The following GPLD1 variants were observed in gnomAD, a reference collection of about 807,000 sequenced individuals.
GPLD1 encodes the protein glycosylphosphatidylinositol specific phospholipase D1.
GPLD1 carries 84 observed loss-of-function variants against 112.6 expected under a neutral mutation model. The ratio of observed to expected loss-of-function variants is 0.75; its 90% CI spans 0.63 to 0.89. The LOEUF (loss-of-function observed/expected upper bound fraction) is 0.89. Among genes scored for constraint, GPLD1 ranks in the 40% least tolerant of loss-of-function variants. The pLI, the probability that GPLD1 is intolerant of heterozygous loss-of-function variation, is 0.00. For synonymous variants in GPLD1, 386 were observed against 403.8 expected (o/e 0.96, Z 0.53); for missense variants, 1,044 against 1,051.5 (o/e 0.99, Z 0.10).
chr6:24,435,816 C>T (rs1221951227), intron 22 of GPLD1: 1 of 32,404 alleles, frequency 3.1e-5, no homozygotes, highest in African/African-American at 1.4e-4. Context: ...TAGAGCCAGA[C>T]GCTGTCTCAA....
rs764603300 is a variant in GPLD1, at chr6:24,475,219, G to C, written c.343C>G (p.Leu115Val). ...GTAATTCCAAACAAGAAAGCTACCA[G>C]TTTCTCTGTGTCCTGCCAAACAAGC... ...PLPWEKDTEKLVAFLFGITSH... is the reference protein window; with the variant it reads ...PLPWEKDTEKVVAFLFGITSH... Residue 115 changes from leucine to valine, a missense_variant, in exon 5 of 25, where the codon CTG becomes GTG. Physicochemically the swap from Leu to Val is conservative, Grantham distance 32 (BLOSUM62 1). Transcript: ENST00000230036. 6.3e-7 allele frequency: 1 copy of C among 1,591,758 alleles called. No homozygotes were observed. Among genetic ancestry groups the C allele is most frequent in the Middle Eastern group, 1.7e-4 (1 of 6,022 alleles).
Position 24,472,615 on chromosome 6 carries a change from A to C in GPLD1, c.512T>G (p.Phe171Cys). Residue 171 changes from phenylalanine (F) to cysteine (C), a missense_variant, in exon 7 of 25, where the codon TTT becomes TGT. By Grantham distance (205) the Phe-to-Cys change is radical (BLOSUM62 -2). Coordinates refer to ENST00000230036, the MANE Select transcript of GPLD1 (RefSeq NM_001503.4). ...TGCAAGGTAATTAAAATTAAATTCA[A>C]ACTGGCTCAACACATCTCCTCCTAG... ...GDFGGDVLSQFEFNFNYLARR... is the reference protein window; with the variant it reads ...GDFGGDVLSQCEFNFNYLARR... 6.3e-7 allele frequency: 1 copy of C among 1,596,344 alleles called. No individual in the cohort carries two copies. The highest frequency in any genetic ancestry group is 8.6e-7 in the Non-Finnish European group (1 of 1,163,876).
intron 12 of GPLD1, among the ~76,000 whole-genome samples, chr6:24,459,249 A>AT (rs58847403): frequency 8.6e-4 from 129 of 150,788 alleles, no homozygotes; most frequent in African/African-American, 2.1e-3. Flanking sequence ...TCTCCCTGCT[A>AT]TTTTTTTTTT....
intron 18 of GPLD1, 34 bp from the exon 19 acceptor site, chr6:24,445,865 G>A (rs1231545805): frequency 1.4e-6 from 2 of 1,433,532 alleles, no homozygotes; most frequent in African/African-American, 1.4e-5. Flanking sequence ...AGCTGCCAGG[G>A]CACAAGACTG....
intron 15 of GPLD1, among the ~76,000 whole-genome samples, chr6:24,448,731 C>T (rs1215230080): frequency 1.3e-5 from 2 of 152,168 alleles, no homozygotes; most frequent in East Asian, 3.9e-4. Context: ...AGCCCCCGGG[C>T]CACAGCCTGT....
rs919358482 is a variant in GPLD1, at chr6:24,446,962, C to G, written c.1696G>C (p.Ala566Pro). Residue 566 changes from alanine to proline, a missense_variant, in exon 18 of 25, where the codon GCA becomes CCA. Ala to Pro is a conservative substitution (Grantham distance 27). Transcript: ENST00000230036. ...LSDKEKLNVE[A>P]ANWTVRGEED... ...TCGCCTCTCACCGTCCAGTTGGCTGCCTCCACGTTCAGTTTTTCTAAAGAA... is the reference window on the plus strand; with the variant it reads ...TCGCCTCTCACCGTCCAGTTGGCTGGCTCCACGTTCAGTTTTTCTAAAGAA... 2 of 1,613,028 alleles carry G rather than the reference C, an allele frequency of 1.2e-6. No homozygotes were observed. Among genetic ancestry groups the G allele is most frequent in the African/African-American group, 2.7e-5 (2 of 74,840 alleles).
chr6:24,433,135 C>T, intron 24 of GPLD1, 52 bp downstream of exon 24: 1 of 1,230,790 alleles, frequency 8.1e-7, no homozygotes, highest in South Asian at 1.2e-5. Flanking sequence ...ACCACCAAAT[C>T]CCACCCGTAG....
At chr6:24,447,335 G>A (rs1007243089) in intron 17 of GPLD1, among the ~76,000 whole-genome samples, 5 of 151,956 alleles carry the variant, frequency 3.3e-5, no homozygotes, top group African/African-American at 4.8e-5. Flanking sequence ...ATGAAACCCC[G>A]TCTCTACTAA....
intron 18 of GPLD1, 81 bp from the exon 19 acceptor site, chr6:24,445,912 T>C (rs140108626): frequency 8.8e-4 from 853 of 972,628 alleles, no homozygotes; most frequent in Admixed American, 2.9e-3. Context: ...GGAAAGGAAA[T>C]GCACCTCCCC....
At chr6:24,466,055 C>T (rs1763602695) in intron 10 of GPLD1, among the ~76,000 whole-genome samples, 1 of 152,142 alleles carries the variant, frequency 6.6e-6, no homozygotes, top group Non-Finnish European at 1.5e-5. Flanking sequence ...CCAAAAGAAA[C>T]AGATGGAGGC....
chr6:24,495,122 C>T lies in GPLD1; in HGVS notation n.84G>A, dbSNP rs944589315. The stretch of plus-strand genomic sequence containing the variant: ...CCTCCGGGCCTGCGCCCGGCCCGGC[C>T]CAGCTCCGCTGCTACGCTGGGCGCC... On this transcript the variant is annotated non_coding_transcript_exon_variant, in exon 1 of 11. Transcript: ENST00000474784. The T allele has an allele frequency of 7.3e-7, 1 of 1,377,416 alleles. No individual in the cohort carries two copies. The highest frequency in any genetic ancestry group is 9.3e-7 in the Non-Finnish European group (1 of 1,073,946). 85.3% of individuals were successfully genotyped at this position (1,377,416 alleles called of 1,614,324 possible). A position where few individuals can be genotyped will look rare whatever the true frequency, so the allele number is the denominator to read the frequency against.
At chr6:24,484,763 T>C (rs111881510) in intron 2 of GPLD1, among the ~76,000 whole-genome samples, 129 of 152,338 alleles carry the variant, frequency 8.5e-4, no homozygotes, top group Admixed American at 1.6e-3. Flanking sequence ...CAGATATAAA[T>C]GCTGTTTTTC....
chr6:24,483,709 T>C (rs1178339637), intron 2 of GPLD1, among the ~76,000 whole-genome samples: 2 of 151,954 alleles, frequency 1.3e-5, no homozygotes, highest in African/African-American at 2.4e-5. Flanking sequence ...TGGTGAAGGC[T>C]AGAGTAAATC....
At chr6:24,473,748 G>C in intron 5 of GPLD1, 81 bp from the exon 6 acceptor site, 3 of 853,246 alleles carry the variant, frequency 3.5e-6, no homozygotes, top group Non-Finnish European at 5.8e-6. Context: ...CAAGTGGTGG[G>C]AGATGACAGC....
chr6:24,441,306 C>CA (rs34247619), intron 20 of GPLD1, among the ~76,000 whole-genome samples: 2,985 of 127,298 alleles, frequency 0.023, 84 homozygotes, highest in East Asian at 0.15. Flanking sequence ...GACTCTATCT[C>CA]AAAAAAAAAA....
chr6:24,454,018 G>C lies in GPLD1; in HGVS notation c.1332C>G (p.Phe444Leu). The change falls in exon 14 of 25, where the codon TTC becomes TTG. Residue 444 changes from phenylalanine to leucine, a missense_variant. Transcript: ENST00000230036. ...AAAGGATGAGATGGTGTCTCACCTG[G>C]AAGCCTTCAAGGATCCTGTGGGCCT... The part of the protein sequence containing the change: ...DKEAHRILEG[F>L]QPSGRFGSAL... 2 of 1,604,776 alleles carry C rather than the reference G, an allele frequency of 1.2e-6. No individual in the cohort carries two copies. Among genetic ancestry groups the C allele is most frequent in the Non-Finnish European group, 1.7e-6 (2 of 1,173,334 alleles).
intron 2 of GPLD1, among the ~76,000 whole-genome samples, chr6:24,483,252 T>TGGG (rs1764262166): frequency 6.6e-6 from 1 of 151,386 alleles, no homozygotes; most frequent in South Asian, 2.1e-4. Flanking sequence ...AATTTGAGCC[T>TGGG]GGGAGGTGGA....
chr6:24,442,338 C>T (rs1762772713), intron 20 of GPLD1, among the ~76,000 whole-genome samples: 1 of 150,784 alleles, frequency 6.6e-6, no homozygotes, highest in Non-Finnish European at 1.5e-5. Flanking sequence ...CCAGGCTGGC[C>T]TCAAATTCTT....
At chr6:24,487,143 T>G (rs1205297700) in intron 1 of GPLD1, among the ~76,000 whole-genome samples, 1 of 142,564 alleles carries the variant, frequency 7.0e-6, no homozygotes, top group Non-Finnish European at 1.5e-5. Flanking sequence ...CTATAAGCAT[T>G]AATATCATAA....
Sources: gnomAD v4.1 joint callset for allele counts (sites outside exome capture counted in the v4.1 genomes callset) on GRCh38, gnomAD v4.1.1 for gene constraint, MANE v1.5 for transcripts, NCBI Gene and HGNC (gene_info 2026-07-23, HGNC 2026-07-21) for gene names.